Variants in ZMAT4 observed in about 807,000 individuals in gnomAD.
ZMAT4 encodes the protein zinc finger matrin-type 4.
In ZMAT4, 17 loss-of-function variants were observed where a neutral mutation model predicts 28.7. That is an observed-to-expected ratio of 0.59 (90% CI 0.41 to 0.89). The LOEUF (loss-of-function observed/expected upper bound fraction) is 0.89. Ranked by LOEUF, ZMAT4 falls within the 40% of genes least tolerant of loss-of-function variation. The pLI, the probability that ZMAT4 is intolerant of heterozygous loss-of-function variation, is 0.00. For synonymous variants in ZMAT4, 117 were observed against 109.2 expected (o/e 1.07, Z -0.44); for missense variants, 240 against 283.8 (o/e 0.85, Z 1.11).
intron 3 of ZMAT4, among the ~76,000 whole-genome samples, chr8:40,757,667 CTTTA>C (rs1812752126): frequency 6.6e-6 from 1 of 151,876 alleles, no homozygotes; most frequent in African/African-American, 2.4e-5. Context: ...AAAATAATAT[CTTTA>C]TTTATGTATC....
At chr8:40,785,984 T>G (rs1814059446) in intron 2 of ZMAT4, among the ~76,000 whole-genome samples, 1 of 152,134 alleles carries the variant, frequency 6.6e-6, no homozygotes, top group African/African-American at 2.4e-5. Context: ...GAGAGAGGGT[T>G]TAGCTGCCTT....
intron 3 of ZMAT4, among the ~76,000 whole-genome samples, chr8:40,742,733 A>G (rs1812060871): frequency 6.9e-6 from 1 of 144,374 alleles, no homozygotes; most frequent in African/African-American, 2.6e-5. Flanking sequence ...ACAACCTTTG[A>G]TAAATGTGCA....
intron 6 of ZMAT4, among the ~76,000 whole-genome samples, chr8:40,570,226 G>T (rs538179469): frequency 6.6e-6 from 1 of 152,256 alleles, no homozygotes; most frequent in East Asian, 1.9e-4. Flanking sequence ...AGCTGTGATG[G>T]GGGTAGGAAA....
intron 5 of ZMAT4, among the ~76,000 whole-genome samples, chr8:40,642,063 G>A (rs1470920874): frequency 6.6e-6 from 1 of 152,104 alleles, no homozygotes; most frequent in Non-Finnish European, 1.5e-5. Context: ...AGGTCATTAA[G>A]GTTGTCAAAT....
intron 6 of ZMAT4, among the ~76,000 whole-genome samples, chr8:40,549,416 T>C (rs1171782735): frequency 1.3e-5 from 2 of 152,202 alleles, no homozygotes; most frequent in East Asian, 1.9e-4. Flanking sequence ...CCTTGAATTA[T>C]CTTTTGGCTG....
At chr8:40,681,694 G>C (rs1334565064) in intron 4 of ZMAT4, among the ~76,000 whole-genome samples, 2 of 152,186 alleles carry the variant, frequency 1.3e-5, no homozygotes, top group Non-Finnish European at 2.9e-5. Context: ...ATGAAGAAAA[G>C]TACTGGTGAC....
intron 2 of ZMAT4, among the ~76,000 whole-genome samples, chr8:40,789,556 G>A (rs1814237512): frequency 6.6e-6 from 1 of 152,106 alleles, no homozygotes; most frequent in African/African-American, 2.4e-5. Context: ...AACTAGGAGA[G>A]TATAATTGGA....
chr8:40,629,790 T>G (rs10088265), intron 5 of ZMAT4, among the ~76,000 whole-genome samples: 33,308 of 151,992 alleles, frequency 0.22, 3,755 homozygotes, highest in Middle Eastern at 0.27. Context: ...CCACATTTTC[T>G]TAATCCAGTC....
chr8:40,709,104 G>A (rs1810491990), intron 3 of ZMAT4, among the ~76,000 whole-genome samples: 1 of 152,242 alleles, frequency 6.6e-6, no homozygotes, highest in South Asian at 2.1e-4. Context: ...GAAAATGTCA[G>A]CGTTTGCATA....
At chr8:40,562,935 T>C (rs1803795831) in intron 6 of ZMAT4, among the ~76,000 whole-genome samples, 2 of 152,204 alleles carry the variant, frequency 1.3e-5, no homozygotes, top group African/African-American at 4.8e-5. Flanking sequence ...TGCACACATG[T>C]GTGCAGTGTA....
chr8:40,585,738 C>T (rs987582315), intron 5 of ZMAT4, among the ~76,000 whole-genome samples: 2 of 152,132 alleles, frequency 1.3e-5, no homozygotes, highest in African/African-American at 4.8e-5. Context: ...TTATCCAGGT[C>T]TGACCCATTC....
chr8:40,682,232 G>A (rs1809201830), intron 4 of ZMAT4, among the ~76,000 whole-genome samples: 1 of 152,138 alleles, frequency 6.6e-6, no homozygotes, highest in Non-Finnish European at 1.5e-5. Context: ...TTACTACAAA[G>A]TCTAAAAAAC....
chr8:40,690,738 G>A (rs565528037), intron 4 of ZMAT4, among the ~76,000 whole-genome samples: 1 of 152,120 alleles, frequency 6.6e-6, no homozygotes, highest in East Asian at 1.9e-4. Flanking sequence ...ATTCAACAGA[G>A]AACTTAAATA....
chr8:40,836,756 C>A (rs1014307315), intron 1 of ZMAT4, among the ~76,000 whole-genome samples: 6 of 152,110 alleles, frequency 3.9e-5, no homozygotes, highest in African/African-American at 1.4e-4. Context: ...TGATGATTGC[C>A]TTAGGTTGGG....
intron 4 of ZMAT4, among the ~76,000 whole-genome samples, chr8:40,676,423 C>CTG (rs1267925649): frequency 1.3e-5 from 2 of 152,110 alleles, no homozygotes; most frequent in Non-Finnish European, 2.9e-5. Context: ...TAGCAGCATC[C>CTG]TGTGTGTGTT....
chr8:40,660,679 C>T (rs1177096545), intron 5 of ZMAT4, among the ~76,000 whole-genome samples: 1 of 152,194 alleles, frequency 6.6e-6, no homozygotes, highest in Non-Finnish European at 1.5e-5. Context: ...TTTATCAGGA[C>T]ATCTGCTGTT....
chr8:40,608,320 C>T (rs1057376384), intron 5 of ZMAT4, among the ~76,000 whole-genome samples: 1 of 152,094 alleles, frequency 6.6e-6, no homozygotes, highest in African/African-American at 2.4e-5. Flanking sequence ...AATATGGCTG[C>T]CTCTGCTGCA....
chr8:40,624,202 C>T (rs961748691), intron 5 of ZMAT4, among the ~76,000 whole-genome samples: 1 of 152,150 alleles, frequency 6.6e-6, no homozygotes, highest in East Asian at 1.9e-4. Flanking sequence ...CAAGTGAGAT[C>T]GCAAGGGTAG....
intron 2 of ZMAT4, among the ~76,000 whole-genome samples, chr8:40,824,992 C>T (rs774293077): frequency 5.3e-5 from 8 of 152,210 alleles, no homozygotes; most frequent in Non-Finnish European, 7.3e-5. Flanking sequence ...CGATTCTAAA[C>T]AGCCAGTGCC....
Sources: gnomAD v4.1 joint callset for allele counts (sites outside exome capture counted in the v4.1 genomes callset) on GRCh38, gnomAD v4.1.1 for gene constraint, MANE v1.5 for transcripts, NCBI Gene and HGNC (gene_info 2026-07-23, HGNC 2026-07-21) for gene names.